Variants in DAB1 observed in about 807,000 individuals in gnomAD.
The protein encoded by DAB1 is DAB adaptor protein 1.
DAB1 carries 15 observed loss-of-function variants against 64.6 expected under a neutral mutation model. The observed-to-expected ratio is 0.23, with a 90% CI of 0.16 to 0.36. The LOEUF is 0.36. DAB1 is among the 10% of genes least tolerant of loss of function. The pLI is 1.00. For missense variants in DAB1, 596 were observed against 706.7 expected (o/e 0.84, Z 1.78); for synonymous variants, 235 against 251.9 (o/e 0.93, Z 0.64).
At chr1:58,000,932 CT>C (rs1469008641) in intron 5 of DAB1, among the ~76,000 whole-genome samples, 8 of 151,906 alleles carry the variant, frequency 5.3e-5, no homozygotes, top group Non-Finnish European at 1.2e-4. Flanking sequence ...CAATCTCTTT[CT>C]CTTCCATCTT....
At chr1:58,060,118 G>A (rs1309013011) in intron 5 of DAB1, 3 of 152,982 alleles carry the variant, frequency 2.0e-5, no homozygotes, top group Non-Finnish European at 2.9e-5. Context: ...GCTTCTGTGT[G>A]GGGAGAGCAG....
intron 7 of DAB1, among the ~76,000 whole-genome samples, chr1:57,501,376 T>G (rs1380398789): frequency 6.6e-6 from 1 of 152,160 alleles, no homozygotes; most frequent in African/African-American, 2.4e-5. Context: ...CAGCTGAGCC[T>G]CCAGCTGAAA....
At chr1:57,368,560 G>A (rs547747179) in intron 1 of DAB1, among the ~76,000 whole-genome samples, 14 of 152,092 alleles carry the variant, frequency 9.2e-5, no homozygotes, top group Non-Finnish European at 1.3e-4. Context: ...TCTCTGCGGA[G>A]TGCTCCAGAG....
chr1:58,402,842 A>T (rs1196063660), intron 3 of DAB1, among the ~76,000 whole-genome samples: 2 of 152,194 alleles, frequency 1.3e-5, no homozygotes, highest in Non-Finnish European at 2.9e-5. Flanking sequence ...CGAAATAATT[A>T]TGGTTGCCAT....
intron 5 of DAB1, among the ~76,000 whole-genome samples, chr1:58,091,935 AACACACACACACAC>A (rs59390109): frequency 1.6e-4 from 23 of 141,922 alleles, no homozygotes; most frequent in African/African-American, 5.4e-4. Flanking sequence ...AGCTGCATTA[AACACACACACACAC>A]ACACACACAC....
At chr1:58,229,060 A>G in intron 4 of DAB1, 1 of 277,162 alleles carries the variant, frequency 3.6e-6, no homozygotes, top group Non-Finnish European at 7.1e-6. Flanking sequence ...TTGAACTCCC[A>G]GGCTCAATTG....
At chr1:58,380,408 A>G (rs969412620) in intron 3 of DAB1, among the ~76,000 whole-genome samples, 7 of 152,214 alleles carry the variant, frequency 4.6e-5, no homozygotes, top group African/African-American at 1.7e-4. Context: ...AGCCATGCGG[A>G]ACTGTGAGTC....
At chr1:57,370,043 A>C (rs7548278) in intron 1 of DAB1, among the ~76,000 whole-genome samples, 1 of 152,096 alleles carries the variant, frequency 6.6e-6, no homozygotes, top group Non-Finnish European at 1.5e-5. Context: ...TGACCATCAC[A>C]TTCCCCGGTA....
At chr1:57,744,403 G>A (rs1472382422) in intron 6 of DAB1, among the ~76,000 whole-genome samples, 1 of 151,514 alleles carries the variant, frequency 6.6e-6, no homozygotes, top group Non-Finnish European at 1.5e-5. Flanking sequence ...GCTTCCTTGA[G>A]GGTCAAGAGA....
chr1:57,395,268 C>G (rs1011143679), intron 1 of DAB1, among the ~76,000 whole-genome samples: 5 of 152,130 alleles, frequency 3.3e-5, no homozygotes, highest in Non-Finnish European at 4.4e-5. Flanking sequence ...TCAAGTGATC[C>G]GCCTGCCTCA....
At position 57,239,755 on chromosome 1, in the gene DAB1, T is replaced by TA. The variant is rs1008936632; in HGVS notation, c.67+51208dup. Among the ~76,000 whole-genome samples the TA allele has an allele frequency of 3.2e-4, 49 of 151,840 alleles. No homozygotes were observed. In the Middle Eastern group the frequency reaches 0.01, roughly 32 times the overall value. On this transcript the variant is annotated intron_variant, in intron 2 of 14. Transcript: ENST00000371236. ...CAGGTCAATTAATTAGGTTCCTCTT[T>TA]AAAAAAAAATCAAAACATTGCACTT...
chr1:58,220,082 TTTGAG>T (rs1484515712), intron 4 of DAB1, among the ~76,000 whole-genome samples: 3 of 152,242 alleles, frequency 2.0e-5, no homozygotes, highest in Admixed American at 1.3e-4. Flanking sequence ...TTTTTGTTTA[TTTGAG>T]TTATTTGTTC....
intron 6 of DAB1, among the ~76,000 whole-genome samples, chr1:57,781,512 CA>C (rs1207929026): frequency 5.3e-5 from 8 of 151,794 alleles, no homozygotes; most frequent in Non-Finnish European, 1.2e-4. Flanking sequence ...TTAAACCTTA[CA>C]AAAAAACCTA....
At chr1:57,489,046 T>A (rs942335817) in intron 7 of DAB1, among the ~76,000 whole-genome samples, 1 of 152,236 alleles carries the variant, frequency 6.6e-6, no homozygotes, top group African/African-American at 2.4e-5. Context: ...TCCCATTATT[T>A]GGAATCAATC....
intron 4 of DAB1, among the ~76,000 whole-genome samples, chr1:58,223,137 G>A (rs1294826607): frequency 6.6e-6 from 1 of 152,126 alleles, no homozygotes; most frequent in Non-Finnish European, 1.5e-5. Context: ...CAATCTCAGG[G>A]CTGGCACACT....
At chr1:58,513,987 G>A (rs1569926908) in intron 2 of DAB1, among the ~76,000 whole-genome samples, 1 of 152,184 alleles carries the variant, frequency 6.6e-6, no homozygotes, top group East Asian at 1.9e-4. Flanking sequence ...AGATGCATCT[G>A]TAAAACTAAA....
intron 1 of DAB1, among the ~76,000 whole-genome samples, chr1:57,397,720 A>G (rs1682926995): frequency 6.6e-6 from 1 of 152,240 alleles, no homozygotes; most frequent in Non-Finnish European, 1.5e-5. Flanking sequence ...ACCCCGAGTG[A>G]TGAGGCATCC....
At position 58,284,946 on chromosome 1, in the gene DAB1, T is replaced by A; in HGVS notation, n.309+58406A>T. Among the ~76,000 whole-genome samples, 2 of 152,216 alleles carry A rather than the reference T, an allele frequency of 1.3e-5. 1 individual carries two copies. The highest frequency in any genetic ancestry group is 2.9e-5 in the Non-Finnish European group (2 of 68,040). ...CTGCAGTGGCATTTACTACATATGT[T>A]GAAATCATCTGTTCATATATCTGCT... On this transcript the variant is annotated intron_variant and non_coding_transcript_variant, in intron 4 of 20. Transcript: ENST00000485760.
chr1:57,004,927 A>G (rs1332579914), intron 14 of DAB1, among the ~76,000 whole-genome samples: 2 of 152,206 alleles, frequency 1.3e-5, no homozygotes. Context: ...ACAAGTTACA[A>G]GTGAGCTCGT....
Sources: gnomAD v4.1 joint callset for allele counts (sites outside exome capture counted in the v4.1 genomes callset) on GRCh38, gnomAD v4.1.1 for gene constraint, MANE v1.5 for transcripts, NCBI Gene and HGNC (gene_info 2026-07-23, HGNC 2026-07-21) for gene names.